CFAP44: variants seen among roughly 807,000 people sequenced by gnomAD.
CFAP44 encodes cilia and flagella associated protein 44.
A neutral mutation model predicts 216.2 loss-of-function variants in CFAP44; 134 were observed. That is an observed-to-expected ratio of 0.62 (90% CI 0.54 to 0.72). CFAP44 has a LOEUF of 0.72. Among genes scored for constraint, CFAP44 ranks in the 30% least tolerant of loss-of-function variants. CFAP44 has a pLI of 0.00. For missense variants in CFAP44, 2,035 were observed against 2,182.1 expected (o/e 0.93, Z 1.34); for synonymous variants, 700 against 727.6 (o/e 0.96, Z 0.61).
intron 24 of CFAP44, among the ~76,000 whole-genome samples, chr3:113,336,577 C>T (rs963860190): frequency 6.6e-6 from 1 of 151,804 alleles, no homozygotes; most frequent in African/African-American, 2.4e-5. Context: ...TAAAACTATC[C>T]CTCAAAGAAT....
At chr3:113,435,971 C>A (rs551818602) in intron 1 of CFAP44, among the ~76,000 whole-genome samples, 13 of 151,462 alleles carry the variant, frequency 8.6e-5, no homozygotes, top group Non-Finnish European at 1.3e-4. Context: ...CTTCCTTCCT[C>A]TTTCCTTCCA....
At chr3:113,346,447 T>C (rs1950383499) in intron 22 of CFAP44, among the ~76,000 whole-genome samples, 1 of 151,524 alleles carries the variant, frequency 6.6e-6, no homozygotes, top group Non-Finnish European at 1.5e-5. Context: ...CAGCACTCTG[T>C]GTCTAGCTAA....
chr3:113,321,553 T>A lies in CFAP44; in HGVS notation c.4516+4892A>T, dbSNP rs1950146470. Among the ~76,000 whole-genome samples the A allele has an allele frequency of 3.3e-5, 5 of 152,242 alleles. No homozygotes were observed. The South Asian group carries it at 1.0e-3, about 32-fold the overall frequency. ...TGGCAACAAACAGAAATAAAAGGCA[T>A]CTAAATAGGAAAAGAAGTCAAAATA... On this transcript the variant is annotated intron_variant, in intron 28 of 34. Transcript: ENST00000393845.
chr3:113,307,250 T>C (rs1212712466), intron 29 of CFAP44, among the ~76,000 whole-genome samples: 1 of 152,230 alleles, frequency 6.6e-6, no homozygotes, highest in African/African-American at 2.4e-5. Flanking sequence ...GAGATTCCTG[T>C]AAAATATATA....
intron 21 of CFAP44, chr3:113,360,680 TA>T: frequency 6.5e-6 from 1 of 154,980 alleles, no homozygotes; most frequent in Non-Finnish European, 1.4e-5. Context: ...GCAGCTGCTC[TA>T]ACTGGAGCTA....
intron 28 of CFAP44, among the ~76,000 whole-genome samples, chr3:113,321,918 T>C (rs1950149009): frequency 6.6e-6 from 1 of 152,144 alleles, no homozygotes; most frequent in African/African-American, 2.4e-5. Context: ...GAAGAATCAA[T>C]ATCATTAAAA....
intron 17 of CFAP44, among the ~76,000 whole-genome samples, chr3:113,376,236 T>A (rs1422299704): frequency 6.6e-6 from 1 of 152,228 alleles, no homozygotes; most frequent in Non-Finnish European, 1.5e-5. Context: ...TCTCATTTAC[T>A]GAGATGGAGA....
intron 28 of CFAP44, among the ~76,000 whole-genome samples, chr3:113,325,113 C>T (rs1008572783): frequency 6.6e-6 from 1 of 151,948 alleles, no homozygotes; most frequent in African/African-American, 2.4e-5. Context: ...ATCATCCTGG[C>T]TAACACAGTG....
At chr3:113,408,975 T>C in intron 7 of CFAP44, 131 bp downstream of exon 7, 1 of 596,796 alleles carries the variant, frequency 1.7e-6, no homozygotes, top group Non-Finnish European at 2.7e-6. Flanking sequence ...AATAACATAT[T>C]TTTAAATAAT....
chr3:113,346,791 A>T lies in CFAP44; in HGVS notation c.3066-2079T>A, dbSNP rs538330319. On this transcript the variant is annotated intron_variant, in intron 22 of 34. Coordinates refer to ENST00000393845, the MANE Select transcript of CFAP44 (RefSeq NM_001164496.2). ...AGCAGGAAATGGGCAGGGACAAATA[A>T]GGGAATAAAAGCTGGCCACCCCAGC... Among the ~76,000 whole-genome samples the T allele has an allele frequency of 3.8e-4, 58 of 152,348 alleles. 1 individual carries two copies. Among genetic ancestry groups the T allele is most frequent in the Admixed American group, 3.4e-3 (52 of 15,302 alleles).
chr3:113,298,818 G>GT (rs1173940947), intron 32 of CFAP44, among the ~76,000 whole-genome samples: 1 of 152,196 alleles, frequency 6.6e-6, no homozygotes, highest in East Asian at 1.9e-4. Flanking sequence ...TAGAGTGGCA[G>GT]TTTCCTGGAG....
intron 26 of CFAP44, among the ~76,000 whole-genome samples, chr3:113,329,874 C>G (rs947248897): frequency 6.6e-6 from 1 of 152,136 alleles, no homozygotes; most frequent in Admixed American, 6.6e-5. Context: ...TTCCCCTTTA[C>G]GATGACTTCA....
In CFAP44 at chr3:113,366,193, T is replaced by C; in HGVS notation, c.2561A>G (p.His854Arg). The C allele has an allele frequency of 3.1e-6, 5 of 1,614,114 alleles. No homozygotes were observed. The highest frequency in any genetic ancestry group is 4.2e-6 in the Non-Finnish European group (5 of 1,180,000). ...TTTAATACATCCATAATTATTGTCA[T>C]GCATATTGAAGTGCCAGTAGTCCAC... ...SLVDYWHFNM[H>R]DNNYGCIKSI... The change falls in exon 19 of 35, where the codon CAT becomes CGT. Residue 854 changes from histidine (H) to arginine (R), a missense_variant. His to Arg is a conservative substitution (Grantham distance 29). Transcript: ENST00000393845.
chr3:113,440,814 C>CCT (rs1935343307), intron 1 of CFAP44, among the ~76,000 whole-genome samples: 1 of 152,024 alleles, frequency 6.6e-6, no homozygotes, highest in African/African-American at 2.4e-5. Flanking sequence ...CTACAGTCAC[C>CCT]CTCTCTCTCT....
intron 15 of CFAP44, among the ~76,000 whole-genome samples, chr3:113,394,611 A>G (rs1933939346): frequency 1.3e-5 from 2 of 152,118 alleles, no homozygotes; most frequent in African/African-American, 2.4e-5. Context: ...CACAACACAC[A>G]TTCTCTATAC....
chr3:113,426,775 G>T, intron 3 of CFAP44: 1 of 208,626 alleles, frequency 4.8e-6, no homozygotes, highest in South Asian at 9.7e-5. Context: ...CTACTGGCTG[G>T]AAGATAGGAA....
intron 15 of CFAP44, among the ~76,000 whole-genome samples, chr3:113,387,416 T>C (rs1054629256): frequency 4.6e-5 from 7 of 152,082 alleles, no homozygotes; most frequent in African/African-American, 1.2e-4. Context: ...AGGTCCCAGA[T>C]GATATCTCCA....
At chr3:113,344,789 C>T in intron 22 of CFAP44, 77 bp from the exon 23 acceptor site, 5 of 1,209,940 alleles carry the variant, frequency 4.1e-6, no homozygotes, top group Non-Finnish European at 5.6e-6. Context: ...TAAAATAAAA[C>T]TACAATACAC....
intron 5 of CFAP44, among the ~76,000 whole-genome samples, chr3:113,419,567 TA>T (rs1383020424): frequency 6.6e-6 from 1 of 152,242 alleles, no homozygotes; most frequent in Non-Finnish European, 1.5e-5. Context: ...TCACTCCATA[TA>T]TCTCAACATA....
Sources: allele counts gnomAD v4.1 joint callset (sites outside exome capture counted in the v4.1 genomes callset), GRCh38; gene constraint gnomAD v4.1.1; transcripts MANE v1.5; gene names NCBI Gene and HGNC (gene_info 2026-07-23, HGNC 2026-07-21).